Variants in DHRS9 observed in about 807,000 individuals in gnomAD.
DHRS9 encodes dehydrogenase/reductase 9.
Under a neutral mutation model 26.6 loss-of-function variants are expected in DHRS9, and 18 were observed. The ratio of observed to expected loss-of-function variants is 0.68; its 90% CI spans 0.47 to 1.00. The LOEUF is 1.00. DHRS9 is among the 50% of genes least tolerant of loss of function. DHRS9 has a pLI of 0.00. For missense variants in DHRS9, 425 were observed against 378.7 expected (o/e 1.12, Z -1.01); for synonymous variants, 134 against 141.1 (o/e 0.95, Z 0.36).
chr2:169,085,225 T>C (rs966403843), intron 3 of DHRS9, among the ~76,000 whole-genome samples: 2 of 152,206 alleles, frequency 1.3e-5, no homozygotes, highest in Non-Finnish European at 2.9e-5. Flanking sequence ...CCATGCTGTT[T>C]TGTTTACTAT....
intron 1 of DHRS9, among the ~76,000 whole-genome samples, chr2:169,078,351 A>G (rs747956363): frequency 3.3e-5 from 5 of 152,166 alleles, no homozygotes; most frequent in Non-Finnish European, 5.9e-5. Flanking sequence ...AGAGAACATA[A>G]AACCCCACAA....
upstream of DHRS9, chr2:169,069,465 T>C (rs1382701341): frequency 3.0e-6 from 3 of 985,468 alleles, no homozygotes; most frequent in Non-Finnish European, 3.6e-6. Flanking sequence ...TCTTGGCTTT[T>C]ATGAGCTATT....
At chr2:169,070,236 T>C (rs1283537933) in intron 1 of DHRS9, 4 of 985,228 alleles carry the variant, frequency 4.1e-6, no homozygotes. Context: ...TTGTAGGTCA[T>C]AAAAAAGCAG....
chr2:169,084,772 T>C (rs1382729224), intron 3 of DHRS9, among the ~76,000 whole-genome samples: 2 of 152,176 alleles, frequency 1.3e-5, no homozygotes, highest in African/African-American at 4.8e-5. Context: ...TTTCTCCCAT[T>C]CTATGTGTTG....
In DHRS9 at chr2:169,091,774, T is replaced by C. The variant is rs373195160; in HGVS notation, c.573-16T>C. 18 of 1,589,106 alleles carry C rather than the reference T, an allele frequency of 1.1e-5. No homozygotes were observed. The African/African-American group carries it at 2.3e-4, about 20-fold the overall frequency. ...ACAAACCCGGATTAAACATCTTCAATGGGTTCTTTTCACAGACGGGACATG... is the reference window on the plus strand; with the variant it reads ...ACAAACCCGGATTAAACATCTTCAACGGGTTCTTTTCACAGACGGGACATG... On this transcript the variant is annotated splice_polypyrimidine_tract_variant and intron_variant, in intron 3 of 4. Coordinates refer to ENST00000674881, the MANE Select transcript of DHRS9 (RefSeq NM_001376924.1).
At chr2:169,088,691 C>A (rs1684427871) in intron 3 of DHRS9, among the ~76,000 whole-genome samples, 2 of 152,128 alleles carry the variant, frequency 1.3e-5, no homozygotes, top group South Asian at 2.1e-4. Flanking sequence ...TGGTAAGTGG[C>A]AGAACTGAGA....
chr2:169,089,752 C>CA (rs1199070069), intron 3 of DHRS9, among the ~76,000 whole-genome samples: 3 of 152,212 alleles, frequency 2.0e-5, no homozygotes, highest in Admixed American at 2.0e-4. Flanking sequence ...ACAATTCTTC[C>CA]AAAAAACTAA....
rs527908994 is a variant in DHRS9 at position 169,086,498 on chromosome 2, A to G, written c.572+2911A>G. Among the ~76,000 whole-genome samples, 3 of 140,636 alleles carry G rather than the reference A, an allele frequency of 2.1e-5. No individual in the cohort carries two copies. In the East Asian group the frequency reaches 6.3e-4, roughly 29 times the overall value. The allele number at this position is 140,636 out of a possible 152,430, so 92.3% of individuals were successfully genotyped here. A position where few individuals can be genotyped will look rare whatever the true frequency, so the allele number is the denominator to read the frequency against. ...GGATTGGTCTCTTGTGTCTTATTTC[A>G]TTCATTTGGTGAGGTCCTGTTTTTC... On this transcript the variant is annotated intron_variant, in intron 3 of 4. Transcript: ENST00000674881.
chr2:169,091,622 C>T (rs191828713), intron 3 of DHRS9, among the ~76,000 whole-genome samples, 168 bp from the exon 4 acceptor site: 2 of 152,328 alleles, frequency 1.3e-5, no homozygotes, highest in African/African-American at 2.4e-5. Context: ...CACTCTGAAC[C>T]TCAGTTTCCT....
rs1177985118 is a variant in DHRS9, at chr2:169,090,909, G to A, written c.573-881G>A. Among the ~76,000 whole-genome samples, 13 of 152,276 alleles carry A rather than the reference G, an allele frequency of 8.5e-5. No homozygotes were observed. The South Asian group carries it at 1.0e-3, about 12-fold the overall frequency. ...AGTAAACCCCAGCTCCCCGTCAGCC[G>A]TTGCAATCACAGGGCAAAGAACTGC... On this transcript the variant is annotated intron_variant, in intron 3 of 4. Transcript: ENST00000674881.
chr2:169,070,374 C>T (rs1376970398), intron 1 of DHRS9: 33 of 985,250 alleles, frequency 3.3e-5, no homozygotes, highest in Middle Eastern at 5.2e-4. Context: ...TGGCTCCTTT[C>T]GCAATGACTT....
intron 1 of DHRS9, chr2:169,072,470 T>G (rs1683836778): frequency 3.0e-6 from 1 of 332,480 alleles, no homozygotes; most frequent in Non-Finnish European, 4.3e-6. Flanking sequence ...AATATTGAGA[T>G]ATTTTCTGTT....
At chr2:169,088,711 A>G (rs1684428861) in intron 3 of DHRS9, among the ~76,000 whole-genome samples, 1 of 152,180 alleles carries the variant, frequency 6.6e-6, no homozygotes, top group South Asian at 2.1e-4. Context: ...ATTTGAACCC[A>G]AGTTTAACTC....
chr2:169,079,270 A>G (rs1376451996), intron 1 of DHRS9, among the ~76,000 whole-genome samples: 1 of 151,928 alleles, frequency 6.6e-6, no homozygotes, highest in African/African-American at 2.4e-5. Context: ...ATTTTTTTTA[A>G]TCTGAAATAG....
At chr2:169,067,246 C>G (rs747619071), upstream of DHRS9, 1 of 1,535,454 alleles carries the variant, frequency 6.5e-7, no homozygotes, top group South Asian at 1.2e-5. Flanking sequence ...GAAGTTGGAC[C>G]CACCACAGCC....
intron 4 of DHRS9, among the ~76,000 whole-genome samples, chr2:169,095,159 C>T (rs1226289096): frequency 6.6e-6 from 1 of 152,130 alleles, no homozygotes; most frequent in Non-Finnish European, 1.5e-5. Flanking sequence ...GTATCGTTTC[C>T]TCATTGCTCT....
intron 1 of DHRS9, among the ~76,000 whole-genome samples, chr2:169,075,045 G>A (rs1057282296): frequency 3.3e-5 from 5 of 152,132 alleles, no homozygotes; most frequent in South Asian, 2.1e-4. Context: ...TTGAGCTTTC[G>A]TTCTTCTTTG....
chr2:169,090,106 T>C (rs1684474709), intron 3 of DHRS9, among the ~76,000 whole-genome samples: 1 of 152,238 alleles, frequency 6.6e-6, no homozygotes, highest in South Asian at 2.1e-4. Flanking sequence ...AAATGAATCA[T>C]GGAACTAGTA....
Position 169,095,816 on chromosome 2 carries a change from C to G in DHRS9, c.*49C>G. Reference sequence around the variant, plus strand: ...TCCAGGCTATGAAATTGGCCGATTTCAAGAACACATCTCCTTTTCAACCCC... The same window carrying G: ...TCCAGGCTATGAAATTGGCCGATTTGAAGAACACATCTCCTTTTCAACCCC... On this transcript the variant is annotated 3_prime_UTR_variant, in exon 5 of 5. Coordinates refer to ENST00000674881, the MANE Select transcript of DHRS9 (RefSeq NM_001376924.1). 6.6e-7 allele frequency: 1 copy of G among 1,515,028 alleles called. No homozygotes were observed. The highest frequency in any genetic ancestry group is 1.1e-5 in the South Asian group (1 of 88,404). 93.8% of individuals were successfully genotyped at this position (1,515,028 alleles called of 1,614,324 possible).
Sources: allele counts gnomAD v4.1 joint callset (sites outside exome capture counted in the v4.1 genomes callset), GRCh38; gene constraint gnomAD v4.1.1; transcripts MANE v1.5; gene names NCBI Gene and HGNC (gene_info 2026-07-23, HGNC 2026-07-21).